The following DENND2B variants were observed in gnomAD, a reference collection of about 807,000 sequenced individuals.
The protein encoded by DENND2B is DENN domain containing 2B, also known as DENN domain-containing protein 2B.
A neutral mutation model predicts 116.0 loss-of-function variants in DENND2B; 32 were observed. The ratio of observed to expected loss-of-function variants is 0.28; its 90% CI spans 0.21 to 0.37. The LOEUF is 0.37. DENND2B is among the 10% of genes least tolerant of loss of function. DENND2B has a pLI of 1.00. For synonymous variants in DENND2B, 588 were observed against 583.9 expected (o/e 1.01, Z -0.10); for missense variants, 1,276 against 1,477.7 (o/e 0.86, Z 2.24).
At chr11:8,700,165 A>G (rs1021809222) in intron 14 of DENND2B, among the ~76,000 whole-genome samples, 2 of 152,196 alleles carry the variant, frequency 1.3e-5, no homozygotes, top group Admixed American at 1.3e-4. Context: ...AGGGGCCACT[A>G]AGGTCAGGCC....
intron 2 of DENND2B, 64 bp from the exon 3 acceptor site, chr11:8,731,273 G>T: frequency 7.2e-7 from 1 of 1,392,838 alleles, no homozygotes; most frequent in South Asian, 1.5e-5. Flanking sequence ...ACCAACCAGT[G>T]GCATCCTGTT....
intron 1 of DENND2B, among the ~76,000 whole-genome samples, chr11:8,804,003 G>T (rs1274498301): frequency 6.6e-6 from 1 of 152,222 alleles, no homozygotes; most frequent in Non-Finnish European, 1.5e-5. Context: ...CTGGCCAGCA[G>T]GAAAGGGGCA....
intron 2 of DENND2B, among the ~76,000 whole-genome samples, chr11:8,744,842 C>A (rs1481187880): frequency 6.6e-6 from 1 of 152,032 alleles, no homozygotes; most frequent in Non-Finnish European, 1.5e-5. Flanking sequence ...TACAGGTCTT[C>A]ACAGCAAGAG....
chr11:8,697,878 C>G, intron 16 of DENND2B: 2 of 549,252 alleles, frequency 3.6e-6, no homozygotes, highest in South Asian at 3.7e-5. Context: ...CCAGTAATCC[C>G]AACACTTTGG....
intron 17 of DENND2B, 68 bp downstream of exon 17, chr11:8,697,457 T>C: frequency 7.8e-7 from 1 of 1,278,570 alleles, no homozygotes; most frequent in Non-Finnish European, 1.1e-6. Flanking sequence ...GTTCTGGCCC[T>C]ATGGGGCCCT....
At chr11:8,901,229 C>CTTTTTTTTT (rs1555223231) in intron 1 of DENND2B, among the ~76,000 whole-genome samples, 10 of 83,922 alleles carry the variant, frequency 1.2e-4, no homozygotes, top group Non-Finnish European at 1.8e-4. Flanking sequence ...CTTTTCTTTT[C>CTTTTTTTTT]TTTTTTTTTT....
Position 8,730,782 on chromosome 11 carries a change from C to T in DENND2B, c.508G>A (p.Ala170Thr). Residue 170 changes from alanine to threonine, a missense_variant, in exon 3 of 20, where the codon GCA (alanine) becomes ACA (threonine). By Grantham distance (58) the Ala-to-Thr change is moderately conservative. Around this residue, in one of 2 missense-constraint regions of DENND2B, gnomAD observed 856 missense variants for 846.6 expected, o/e 1.01. Coordinates refer to ENST00000313726, the MANE Select transcript of DENND2B (RefSeq NM_213618.2). The surrounding 1 kb of genome is among the most constrained non-coding windows in gnomAD (Gnocchi z 4.1). ...HSLGIREKIS[A>T]WEGRREASPR... Reference sequence around the variant, plus strand: ...GACGCCTCTCGGCGACCTTCCCATGCTGATATCTTCTCCCGGATGCCCAGG... The same window carrying T: ...GACGCCTCTCGGCGACCTTCCCATGTTGATATCTTCTCCCGGATGCCCAGG... The T allele has an allele frequency of 6.2e-7, 1 of 1,612,988 alleles. No individual in the cohort carries two copies. The highest frequency in any genetic ancestry group is 8.5e-7 in the Non-Finnish European group (1 of 1,179,986).
At chr11:8,726,516 T>C (rs2047107959) in intron 3 of DENND2B, among the ~76,000 whole-genome samples, 3 of 152,212 alleles carry the variant, frequency 2.0e-5, no homozygotes, top group Admixed American at 2.0e-4. Flanking sequence ...ATCTCATTAA[T>C]CTTCACAACA....
chr11:8,764,300 A>T (rs1282502852), intron 1 of DENND2B, among the ~76,000 whole-genome samples: 1 of 152,186 alleles, frequency 6.6e-6, no homozygotes, highest in East Asian at 1.9e-4. Flanking sequence ...ATCTTAGATC[A>T]TTAGGGCTCA....
chr11:8,858,172 T>C (rs1179964067), intron 2 of DENND2B, among the ~76,000 whole-genome samples: 1 of 152,188 alleles, frequency 6.6e-6, no homozygotes, highest in Non-Finnish European at 1.5e-5. Flanking sequence ...CCAAGTGAAG[T>C]CATGAACAGC....
At chr11:8,864,402 G>A (rs531532059) in intron 2 of DENND2B, among the ~76,000 whole-genome samples, 1 of 152,124 alleles carries the variant, frequency 6.6e-6, no homozygotes, top group Non-Finnish European at 1.5e-5. Flanking sequence ...CGTTTAGCTG[G>A]GACCACAGAC....
intron 1 of DENND2B, among the ~76,000 whole-genome samples, chr11:8,786,671 A>G (rs1485210825): frequency 6.6e-6 from 1 of 152,176 alleles, no homozygotes; most frequent in African/African-American, 2.4e-5. Flanking sequence ...TTAGCTGGGC[A>G]TGGTGGTGCA....
chr11:8,754,575 C>A (rs997044029), intron 1 of DENND2B, among the ~76,000 whole-genome samples: 1 of 152,218 alleles, frequency 6.6e-6, no homozygotes, highest in South Asian at 2.1e-4. Flanking sequence ...TCCTAGGTAT[C>A]TGTTCAGAAG....
chr11:8,909,456 G>GGAGAAT (rs1474702599), intron 1 of DENND2B, among the ~76,000 whole-genome samples: 2 of 151,856 alleles, frequency 1.3e-5, no homozygotes. Context: ...AGAAGGAGAA[G>GGAGAAT]GAGAAGGAGA....
At chr11:8,817,380 A>G (rs1216588350) in intron 4 of DENND2B, among the ~76,000 whole-genome samples, 1 of 152,118 alleles carries the variant, frequency 6.6e-6, no homozygotes, top group Non-Finnish European at 1.5e-5. Flanking sequence ...CACAGTGTTG[A>G]CCACTGCCAC....
At chr11:8,708,807 C>T (rs1434246948) in intron 11 of DENND2B, among the ~76,000 whole-genome samples, 3 of 152,092 alleles carry the variant, frequency 2.0e-5, no homozygotes, top group Admixed American at 1.3e-4. Context: ...CAAAATTAGC[C>T]GGTCATAGTG....
chr11:8,799,797 A>T (rs1329640325), intron 1 of DENND2B, among the ~76,000 whole-genome samples: 1 of 151,758 alleles, frequency 6.6e-6, no homozygotes, highest in African/African-American at 2.4e-5. Context: ...CCCTACTGGC[A>T]TTCCTTTTTG....
chr11:8,852,123 G>A (rs1479961546), intron 3 of DENND2B, among the ~76,000 whole-genome samples: 1 of 152,206 alleles, frequency 6.6e-6, no homozygotes, highest in Non-Finnish European at 1.5e-5. Flanking sequence ...AGAATAAAGT[G>A]AGGAGGGCAA....
chr11:8,758,176 A>G (rs2053932735), intron 1 of DENND2B, among the ~76,000 whole-genome samples: 1 of 152,234 alleles, frequency 6.6e-6, no homozygotes. Context: ...TGTGTCCCAC[A>G]GCATGTTCTC....
Sources: allele counts gnomAD v4.1 joint callset (sites outside exome capture counted in the v4.1 genomes callset), GRCh38; gene constraint gnomAD v4.1.1; regional missense constraint gnomAD v4.1.1; non-coding constraint Gnocchi (gnomAD v3.1); transcripts MANE v1.5; gene names NCBI Gene and HGNC (gene_info 2026-07-23, HGNC 2026-07-21).